The following PTPN4 variants were observed in gnomAD, a reference collection of about 807,000 sequenced individuals.
The protein encoded by PTPN4 is protein tyrosine phosphatase non-receptor type 4.
In PTPN4, 49 loss-of-function variants were observed where a neutral mutation model predicts 135.5. The ratio of observed to expected loss-of-function variants is 0.36; its 90% CI spans 0.29 to 0.46. PTPN4 has a LOEUF of 0.46. Ranked by LOEUF, PTPN4 falls within the 20% of genes least tolerant of loss-of-function variation. PTPN4 has a pLI of 1.00. For synonymous variants in PTPN4, 333 were observed against 369.9 expected, an observed-to-expected ratio of 0.90 and a Z score of 1.14; for missense variants, 860 against 1,101.0, an observed-to-expected ratio of 0.78 and a Z score of 3.10.
At chr2:119,851,454 T>C (rs1409844616) in intron 2 of PTPN4, among the ~76,000 whole-genome samples, 1 of 152,218 alleles carries the variant, frequency 6.6e-6, no homozygotes, top group Non-Finnish European at 1.5e-5. Context: ...ACTGTGATCC[T>C]AGGACTTTAT....
At chr2:119,825,225 C>CT (rs1026239896) in intron 2 of PTPN4, among the ~76,000 whole-genome samples, 10 of 151,856 alleles carry the variant, frequency 6.6e-5, no homozygotes, top group Admixed American at 2.6e-4. Flanking sequence ...GTAGAAACAG[C>CT]TTTTTTTTAT....
At chr2:119,967,732 A>G (rs1293079180) in intron 25 of PTPN4, 105 bp from the exon 26 acceptor site, 3 of 944,418 alleles carry the variant, frequency 3.2e-6, no homozygotes, top group Non-Finnish European at 4.4e-6. Flanking sequence ...AAAATATTAA[A>G]ATGATATTGT....
intron 15 of PTPN4, 63 bp from the exon 16 acceptor site, chr2:119,945,018 G>T: frequency 6.9e-7 from 1 of 1,453,270 alleles, no homozygotes; most frequent in Non-Finnish European, 9.2e-7. Context: ...AAATATGTGG[G>T]TTGCTTGACC....
At chr2:119,908,584 C>G (rs1314629863) in intron 10 of PTPN4, among the ~76,000 whole-genome samples, 2 of 152,124 alleles carry the variant, frequency 1.3e-5, no homozygotes, top group Non-Finnish European at 2.9e-5. Flanking sequence ...TTCTGTCTCT[C>G]TTCCTCTCCT....
intron 23 of PTPN4, among the ~76,000 whole-genome samples, chr2:119,962,211 T>TG (rs1456645974): frequency 6.6e-6 from 1 of 152,144 alleles, no homozygotes; most frequent in African/African-American, 2.4e-5. Context: ...TCCCAGCACT[T>TG]TGGGAGACGG....
rs1679714605 is a variant in PTPN4, at chr2:119,982,819, C to T, written c.*5749C>T. 6.6e-6 allele frequency: 1 copy of T among 152,122 alleles called. No individual in the cohort carries two copies. Among genetic ancestry groups the T allele is most frequent in the Non-Finnish European group, 1.5e-5 (1 of 68,030 alleles). The allele number at this position is 152,122 out of a possible 1,614,324, so 9.4% of individuals were successfully genotyped here. A position where few individuals can be genotyped will look rare whatever the true frequency, so the allele number is the denominator to read the frequency against. On this transcript the variant is annotated 3_prime_UTR_variant, in exon 27 of 27. Transcript: ENST00000263708. ...CCCTGACCCAGTAAATGCTTTTTGCCTTTTTATTCCCAATGTCTTGGACAG... is the reference window on the plus strand; with the variant it reads ...CCCTGACCCAGTAAATGCTTTTTGCTTTTTTATTCCCAATGTCTTGGACAG...
chr2:119,943,279 C>T (rs1396178161), intron 15 of PTPN4, among the ~76,000 whole-genome samples: 1 of 152,170 alleles, frequency 6.6e-6, no homozygotes, highest in Non-Finnish European at 1.5e-5. Flanking sequence ...CAGCCAACCT[C>T]TCAATAAGCT....
At chr2:119,950,244 T>C (rs2105051012) in intron 18 of PTPN4, among the ~76,000 whole-genome samples, 1 of 152,242 alleles carries the variant, frequency 6.6e-6, no homozygotes, top group South Asian at 2.1e-4. Flanking sequence ...CTCAAAGACA[T>C]TTACAAAAAC....
chr2:119,883,724 C>T (rs1029472536), intron 8 of PTPN4, among the ~76,000 whole-genome samples: 22 of 152,298 alleles, frequency 1.4e-4, no homozygotes, highest in African/African-American at 5.3e-4. Context: ...CTTACGTAAA[C>T]TGGGGATAAT....
rs1444315120 is a variant in PTPN4 at position 119,946,549 on chromosome 2, T to C, written c.1631T>C (p.Val544Ala). 1.9e-6 allele frequency: 3 copies of C among 1,609,512 alleles called. No individual in the cohort carries two copies. The highest frequency in any genetic ancestry group is 2.5e-6 in the Non-Finnish European group (3 of 1,177,164). The part of the protein sequence containing the change: ...GGYDQKMPVI[V>A]SRVAPGTPAD... ...TATGATCAGAAGATGCCTGTGATTG[T>C]GTCTCGAGTAGCACCAGGAACACCT... is the stretch of plus-strand genomic sequence containing the variant. The change falls in exon 18 of 27, where the codon GTG becomes GCG. Residue 544 changes from valine to alanine, a missense_variant. Physicochemically the swap from Val to Ala is moderately conservative, Grantham distance 64. Coordinates refer to ENST00000263708, the MANE Select transcript of PTPN4 (RefSeq NM_002830.4).
At chr2:119,877,176 G>T in intron 3 of PTPN4, 147 bp from the exon 4 acceptor site, 5 of 659,710 alleles carry the variant, frequency 7.6e-6, no homozygotes, top group Non-Finnish European at 1.2e-5. Context: ...GAAAAATATT[G>T]TCTGTAATGC....
chr2:119,912,093 C>G (rs2105023065), intron 10 of PTPN4, among the ~76,000 whole-genome samples: 1 of 152,286 alleles, frequency 6.6e-6, no homozygotes, highest in Non-Finnish European at 1.5e-5. Context: ...TGGAATGCTC[C>G]TCAGCAAAGT....
intron 1 of PTPN4, among the ~76,000 whole-genome samples, chr2:119,769,882 T>A (rs1238616406): frequency 6.6e-6 from 1 of 152,238 alleles, no homozygotes; most frequent in East Asian, 1.9e-4. Context: ...GTCTTTGGAG[T>A]AATCCAAGGG....
chr2:119,917,755 AAAAGACAGTATACAGGCATAC>A (rs1244292451), intron 11 of PTPN4, among the ~76,000 whole-genome samples: 1 of 152,028 alleles, frequency 6.6e-6, no homozygotes, highest in African/African-American at 2.4e-5. Context: ...AAAAGGAAAA[AAAAGACAGTATACAGGCATAC>A]TCTGCAAAAG....
chr2:119,946,672 T>G, intron 18 of PTPN4, 98 bp downstream of exon 18: 1 of 992,278 alleles, frequency 1.0e-6, no homozygotes, highest in Non-Finnish European at 1.5e-6. Context: ...ATTTCATCAT[T>G]TCTTTTATTT....
intron 25 of PTPN4, among the ~76,000 whole-genome samples, chr2:119,966,581 C>A (rs1679449394): frequency 6.6e-6 from 1 of 152,158 alleles, no homozygotes; most frequent in African/African-American, 2.4e-5. Context: ...AATATTATCA[C>A]ATTGGTGATT....
At chr2:119,949,563 C>G (rs1313729950) in intron 18 of PTPN4, among the ~76,000 whole-genome samples, 1 of 151,964 alleles carries the variant, frequency 6.6e-6, no homozygotes, top group Admixed American at 6.6e-5. Flanking sequence ...GTTTATTGGC[C>G]GGGTGTGATG....
At chr2:119,822,166 T>C (rs1280033698) in intron 2 of PTPN4, among the ~76,000 whole-genome samples, 6 of 152,132 alleles carry the variant, frequency 3.9e-5, no homozygotes, top group Non-Finnish European at 8.8e-5. Context: ...TACATGGATC[T>C]TCAACCTTCC....
intron 25 of PTPN4, among the ~76,000 whole-genome samples, chr2:119,966,538 G>A (rs1679448515): frequency 6.6e-6 from 1 of 152,142 alleles, no homozygotes; most frequent in Admixed American, 6.5e-5. Context: ...GATTACAGGT[G>A]TGAGCCACCG....
Sources: allele counts gnomAD v4.1 joint callset (sites outside exome capture counted in the v4.1 genomes callset), GRCh38; gene constraint gnomAD v4.1.1; transcripts MANE v1.5; gene names NCBI Gene and HGNC (gene_info 2026-07-23, HGNC 2026-07-21).